DST: variants seen among roughly 807,000 people sequenced by gnomAD.
The protein encoded by DST is bullous pemphigoid antigen.
In DST, 253 loss-of-function variants were observed where a neutral mutation model predicts 875.2. That is an observed-to-expected ratio of 0.29 (90% CI 0.26 to 0.32). The LOEUF (loss-of-function observed/expected upper bound fraction) is 0.32, where lower values mean the gene tolerates loss of function less well. DST is among the 10% of genes least tolerant of loss of function. The probability of loss-of-function intolerance (pLI) is 1.00; values close to 1 mark genes in which losing one functional copy is unlikely to be tolerated. For synonymous variants in DST, 3,124 were observed against 3,197.1 expected, an observed-to-expected ratio of 0.98 and a Z score of 0.77; for missense variants, 8,287 against 9,111.6, an observed-to-expected ratio of 0.91 and a Z score of 3.68.
At chr6:56,491,270 C>G (rs933368241) in intron 85 of DST, among the ~76,000 whole-genome samples, 4 of 152,120 alleles carry the variant, frequency 2.6e-5, no homozygotes, top group Non-Finnish European at 4.4e-5. Flanking sequence ...CACCTGACTC[C>G]CGTGACATCT....
intron 36 of DST, chr6:56,616,944 C>A (rs766809207): frequency 6.2e-7 from 1 of 1,604,982 alleles, no homozygotes; most frequent in South Asian, 1.1e-5. Flanking sequence ...CCTGTTGCAG[C>A]CTGAGCTTCT....
At position 56,529,515 on chromosome 6, in the gene DST, T is replaced by G; in HGVS notation, c.17528A>C (p.Lys5843Thr). Reference protein sequence around the residue: ...LMNWLNEVHDKLSKLSVQDYS... With the variant: ...LMNWLNEVHDTLSKLSVQDYS... ...ATCCTGGACTGAGAGCTTGCTCAGT[T>G]TGTCATGCACTTCATTCAGCCAGTT... Residue 5843 changes from lysine to threonine, a missense_variant, in exon 66 of 104, where the codon AAA becomes ACA. This residue lies in a region of DST where 777 missense variants were observed against 764.8 expected (regional missense o/e 1.02). Transcript: ENST00000680361. The G allele has an allele frequency of 6.2e-7, 1 of 1,611,572 alleles. No individual in the cohort carries two copies. Among genetic ancestry groups the G allele is most frequent in the Non-Finnish European group, 8.5e-7 (1 of 1,178,694 alleles).
At chr6:56,755,545 T>A (rs918005692) in intron 4 of DST, among the ~76,000 whole-genome samples, 1 of 152,222 alleles carries the variant, frequency 6.6e-6, no homozygotes, top group Non-Finnish European at 1.5e-5. Context: ...GAGCAGCTTA[T>A]CCTTATCACT....
chr6:56,473,738 C>A, intron 93 of DST, 135 bp downstream of exon 93: 3 of 803,468 alleles, frequency 3.7e-6, no homozygotes, highest in Non-Finnish European at 5.8e-6. Context: ...CACACGTATT[C>A]CTTCTAGAAA....
At chr6:56,540,549 A>G (rs1355566847) in intron 61 of DST, 1 of 152,628 alleles carries the variant, frequency 6.6e-6, no homozygotes, top group South Asian at 2.1e-4. Flanking sequence ...TCTGTGTGAG[A>G]GAGATCTAAA....
chr6:56,523,837 G>T (rs2096749307), intron 69 of DST, among the ~76,000 whole-genome samples: 1 of 152,098 alleles, frequency 6.6e-6, no homozygotes, highest in South Asian at 2.1e-4. Flanking sequence ...GTAGGCTGGG[G>T]GCAGGGGTCT....
At position 56,843,189 on chromosome 6, in the gene DST, C is replaced by T. The variant is rs371362925; in HGVS notation, c.625+8208G>A. 1.9e-4 allele frequency: 283 copies of T among 1,507,598 alleles called. 2 individuals carry two copies. In the East Asian group the frequency reaches 5.8e-3, roughly 31 times the overall value. The allele number at this position is 1,507,598 out of a possible 1,614,324, so 93.4% of individuals were successfully genotyped here. The stretch of plus-strand genomic sequence containing the variant: ...GATGACTGACAAATTCCCCTCTCCC[C>T]CTCGTAACCCCCGGACAGTATCGCA... On this transcript the variant is annotated intron_variant, in intron 4 of 103. Transcript: ENST00000680361.
chr6:56,587,057 C>T (rs367690591), intron 49 of DST, among the ~76,000 whole-genome samples: 176 of 152,262 alleles, frequency 1.2e-3, no homozygotes, highest in South Asian at 0.011. Flanking sequence ...CAAAGCTGGA[C>T]GGAGAATGAC....
chr6:56,602,560 T>C (rs1021851531), intron 43 of DST, among the ~76,000 whole-genome samples: 3 of 151,972 alleles, frequency 2.0e-5, no homozygotes, highest in African/African-American at 7.2e-5. Context: ...AATATTATTA[T>C]GTATTTACAT....
At chr6:56,820,755 T>TG (rs1431392429) in intron 4 of DST, among the ~76,000 whole-genome samples, 1 of 152,172 alleles carries the variant, frequency 6.6e-6, no homozygotes, top group African/African-American at 2.4e-5. Context: ...ATTATAGTGA[T>TG]TATTACAAGT....
intron 7 of DST, among the ~76,000 whole-genome samples, chr6:56,702,578 A>G (rs146874280): frequency 2.0e-3 from 307 of 152,314 alleles, no homozygotes; most frequent in African/African-American, 6.9e-3. Flanking sequence ...ACAAAAGTGG[A>G]CACTACGATA....
chr6:56,783,650 C>T (rs1336111275), intron 4 of DST, among the ~76,000 whole-genome samples: 1 of 152,034 alleles, frequency 6.6e-6, no homozygotes, highest in Admixed American at 6.6e-5. Context: ...CTGAATACAG[C>T]ACACTGATGG....
rs756839221 is a variant in DST, at chr6:56,552,685, C to T, written c.16107G>A (p.Gln5369=). 3.1e-6 allele frequency: 5 copies of T among 1,613,548 alleles called. No homozygotes were observed. In the East Asian group the frequency reaches 8.9e-5, roughly 29 times the overall value. The change falls in exon 61 of 104, where the codon CAG becomes CAA. Residue 5369 remains glutamine, a synonymous_variant. Transcript: ENST00000680361. ...IAQEHSTLSQ[Q]VDEKCSFLET... is the part of the protein sequence containing the mutation. The stretch of plus-strand genomic sequence containing the variant: ...CTAAGAAAGAACACTTTTCATCAAC[C>T]TGCTGACTTAGTGTACTATGCTCTT...
intron 36 of DST, chr6:56,616,063 T>C: frequency 6.2e-7 from 1 of 1,614,202 alleles, no homozygotes. Flanking sequence ...CAACCAAATT[T>C]CTACGGGAGG....
Position 56,891,519 on chromosome 6 carries a change from T to C in DST, c.417+8902A>G, listed in dbSNP as rs149250086. On this transcript the variant is annotated intron_variant, in intron 3 of 103. Coordinates refer to ENST00000680361, the MANE Select transcript of DST (RefSeq NM_001374736.1). ...AGGTGGAGCTTGCAGTGAGCCGAGA[T>C]TGAGCCACTGCACTCCAGCCTGGGC... Among the ~76,000 whole-genome samples, 111 of 148,074 alleles carry C rather than the reference T, an allele frequency of 7.5e-4. 1 individual carries two copies. In the East Asian group the frequency reaches 0.018, roughly 24 times the overall value.
intron 49 of DST, among the ~76,000 whole-genome samples, chr6:56,584,360 G>A (rs994743252): frequency 2.0e-5 from 3 of 152,142 alleles, no homozygotes; most frequent in Non-Finnish European, 4.4e-5. Context: ...AAGCAACTGT[G>A]AATGGGAGTT....
Position 56,802,576 on chromosome 6 carries a change from AC to A in DST, c.625+48820del, listed in dbSNP as rs2099748417. ...TAACTGCCAGCTAGACTCTAACAGG[AC>A]ATTAAGACAAAGACATCTTTTAGGA... On this transcript the variant is annotated intron_variant, in intron 4 of 103. Coordinates refer to ENST00000680361, the MANE Select transcript of DST (RefSeq NM_001374736.1). Among the ~76,000 whole-genome samples, 3 of 152,280 alleles carry A rather than the reference AC, an allele frequency of 2.0e-5. No individual in the cohort carries two copies. The South Asian group carries it at 6.2e-4, about 32-fold the overall frequency.
intron 4 of DST, among the ~76,000 whole-genome samples, chr6:56,777,840 C>T (rs368560177): frequency 1.4e-4 from 21 of 152,034 alleles, no homozygotes; most frequent in East Asian, 5.8e-4. Flanking sequence ...GGACTACAGG[C>T]ATATGCCACC....
intron 3 of DST, among the ~76,000 whole-genome samples, chr6:56,889,073 T>G (rs940050250): frequency 2.6e-5 from 4 of 152,190 alleles, no homozygotes; most frequent in Non-Finnish European, 5.9e-5. Flanking sequence ...GAGTTGGAAG[T>G]TATAAGCGAT....
Sources: gnomAD v4.1 joint callset for allele counts (sites outside exome capture counted in the v4.1 genomes callset) on GRCh38, gnomAD v4.1.1 for gene constraint, gnomAD v4.1.1 regional missense constraint, MANE v1.5 for transcripts, NCBI Gene and HGNC (gene_info 2026-07-23, HGNC 2026-07-21) for gene names.